Variants in DIAPH3 observed in about 807,000 individuals in gnomAD.
DIAPH3 encodes protein diaphanous homolog 3.
A neutral mutation model predicts 144.3 loss-of-function variants in DIAPH3; 117 were observed. The observed-to-expected ratio is 0.81, with a 90% CI of 0.70 to 0.95. DIAPH3 has a LOEUF of 0.95. DIAPH3 is among the 40% of genes least tolerant of loss of function. DIAPH3 has a pLI of 0.00. For synonymous variants in DIAPH3, 519 were observed against 488.9 expected, an observed-to-expected ratio of 1.06 and a Z score of -0.81; for missense variants, 1,421 against 1,412.7, an observed-to-expected ratio of 1.01 and a Z score of -0.09.
chr13:59,792,552 C>T (rs1319987276), intron 25 of DIAPH3, among the ~76,000 whole-genome samples: 1 of 152,186 alleles, frequency 6.6e-6, no homozygotes, highest in Non-Finnish European at 1.5e-5. Context: ...CACCGACTTC[C>T]TTGGCCATAA....
intron 27 of DIAPH3, among the ~76,000 whole-genome samples, chr13:59,714,254 G>A (rs1417384084): frequency 1.3e-5 from 2 of 150,260 alleles, no homozygotes; most frequent in Non-Finnish European, 3.0e-5. Flanking sequence ...CAGCTACTTG[G>A]GAGGCTGAGG....
chr13:60,136,204 G>T (rs1211037329), intron 1 of DIAPH3, among the ~76,000 whole-genome samples: 1 of 152,084 alleles, frequency 6.6e-6, no homozygotes, highest in Non-Finnish European at 1.5e-5. Flanking sequence ...AAAAAACTTT[G>T]TAACACAAAA....
intron 27 of DIAPH3, among the ~76,000 whole-genome samples, chr13:59,687,891 T>C (rs192993303): frequency 6.6e-6 from 1 of 152,116 alleles, no homozygotes; most frequent in Admixed American, 6.6e-5. Context: ...TACTTAGGTG[T>C]TTCAGAGGGC....
chr13:59,948,409 C>G (rs1347373645), intron 17 of DIAPH3, among the ~76,000 whole-genome samples: 1 of 152,144 alleles, frequency 6.6e-6, no homozygotes, highest in African/African-American at 2.4e-5. Context: ...CAGATAATCT[C>G]TAGTCCCTGT....
At chr13:60,016,705 A>G (rs904655296) in intron 5 of DIAPH3, among the ~76,000 whole-genome samples, 1 of 152,232 alleles carries the variant, frequency 6.6e-6, no homozygotes, top group East Asian at 1.9e-4. Context: ...ATTCCTACAA[A>G]TGTTAAGAAT....
chr13:59,783,043 G>A (rs984185273), intron 25 of DIAPH3, among the ~76,000 whole-genome samples: 1 of 152,128 alleles, frequency 6.6e-6, no homozygotes, highest in East Asian at 1.9e-4. Flanking sequence ...TTTAAGCTAG[G>A]AAGTAACATG....
At chr13:59,865,417 AAAT>A (rs1469322078) in intron 21 of DIAPH3, among the ~76,000 whole-genome samples, 5 of 152,068 alleles carry the variant, frequency 3.3e-5, no homozygotes, top group Non-Finnish European at 5.9e-5. Context: ...CTTGGAAAGA[AAAT>A]AAAATATTTG....
intron 20 of DIAPH3, among the ~76,000 whole-genome samples, chr13:59,883,460 C>A (rs2045223467): frequency 6.6e-6 from 1 of 151,850 alleles, no homozygotes; most frequent in Non-Finnish European, 1.5e-5. Context: ...CTTTTTTATT[C>A]TTCCCTGAAG....
chr13:59,901,052 A>G (rs1453496589), intron 20 of DIAPH3, among the ~76,000 whole-genome samples: 1 of 152,182 alleles, frequency 6.6e-6, no homozygotes, highest in African/African-American at 2.4e-5. Flanking sequence ...CCACTAATTC[A>G]CACATTAATA....
intron 20 of DIAPH3, among the ~76,000 whole-genome samples, chr13:59,904,815 T>C (rs1030381985): frequency 6.6e-6 from 1 of 151,980 alleles, no homozygotes; most frequent in Non-Finnish European, 1.5e-5. Flanking sequence ...AGTAGCGCTA[T>C]AGAACATATA....
chr13:59,756,994 A>G (rs1388226247), intron 27 of DIAPH3, among the ~76,000 whole-genome samples: 4 of 152,208 alleles, frequency 2.6e-5, no homozygotes, highest in African/African-American at 9.6e-5. Context: ...TTTGCTAAGA[A>G]ATACTGAGAA....
At chr13:60,012,230 G>A (rs1311394202) in intron 7 of DIAPH3, among the ~76,000 whole-genome samples, 1 of 152,152 alleles carries the variant, frequency 6.6e-6, no homozygotes, top group Admixed American at 6.5e-5. Flanking sequence ...GTACTGGGCT[G>A]AAATACTCCA....
At chr13:59,834,321 T>C (rs2041932178) in intron 23 of DIAPH3, among the ~76,000 whole-genome samples, 1 of 151,712 alleles carries the variant, frequency 6.6e-6, no homozygotes, top group African/African-American at 2.4e-5. Flanking sequence ...TTTAACGAAA[T>C]GGAACATAGT....
At chr13:59,676,704 G>C (rs1481529987) in intron 27 of DIAPH3, among the ~76,000 whole-genome samples, 1 of 152,088 alleles carries the variant, frequency 6.6e-6, no homozygotes, top group Non-Finnish European at 1.5e-5. Flanking sequence ...AGGGTGTGCA[G>C]TACTGTAAAA....
chr13:59,789,709 G>A (rs141082723), intron 25 of DIAPH3, among the ~76,000 whole-genome samples: 11 of 152,204 alleles, frequency 7.2e-5, no homozygotes, highest in African/African-American at 1.4e-4. Flanking sequence ...CATATGGTGC[G>A]CACTGGAAGA....
At chr13:59,993,714 A>AAAAAAAAAAAAAAAAAAAAAAT (rs2051995796) in intron 9 of DIAPH3, among the ~76,000 whole-genome samples, 1 of 150,068 alleles carries the variant, frequency 6.7e-6, no homozygotes, top group Non-Finnish European at 1.5e-5. Context: ...AAAAAAAAAA[A>AAAAAAAAAAAAAAAAAAAAAAT]AAAAAAAACT....
chr13:59,987,905 C>G (rs1306312987), intron 12 of DIAPH3, among the ~76,000 whole-genome samples: 1 of 151,668 alleles, frequency 6.6e-6, no homozygotes, highest in Non-Finnish European at 1.5e-5. Flanking sequence ...AGGTTGGGTA[C>G]TATTCTAATG....
At chr13:60,149,136 A>G (rs1951666590) in intron 1 of DIAPH3, among the ~76,000 whole-genome samples, 1 of 152,210 alleles carries the variant, frequency 6.6e-6, no homozygotes, top group South Asian at 2.1e-4. Context: ...AATGGTAAAC[A>G]TTTCAGCACC....
intron 5 of DIAPH3, 37 bp downstream of exon 5, chr13:60,042,653 G>A (rs1423666655): frequency 1.9e-6 from 3 of 1,612,000 alleles, no homozygotes; most frequent in Middle Eastern, 1.7e-4. Flanking sequence ...ACACATTAAT[G>A]ACATCTGCCC....
Sources: allele counts gnomAD v4.1 joint callset (sites outside exome capture counted in the v4.1 genomes callset), GRCh38; gene constraint gnomAD v4.1.1; transcripts MANE v1.5; gene names NCBI Gene and HGNC (gene_info 2026-07-23, HGNC 2026-07-21).